NCALD: variants seen among roughly 807,000 people sequenced by gnomAD.
NCALD encodes the protein neurocalcin delta.
In NCALD, 10 loss-of-function variants were observed where a neutral mutation model predicts 18.6. The observed-to-expected ratio is 0.54, with a 90% CI of 0.33 to 0.91. NCALD has a LOEUF of 0.91. NCALD is among the 40% of genes least tolerant of loss of function. NCALD has a pLI of 0.03. For missense variants in NCALD, 184 were observed against 247.6 expected (o/e 0.74, Z 1.72); for synonymous variants, 88 against 87.4 (o/e 1.01, Z -0.04).
In NCALD at chr8:102,123,881, A is replaced by C. The variant is rs377021765; in HGVS notation, c.-210+356T>G. ...AGGTCCCCGGGCCGCCAGGCTCACC[A>C]ACGCCCCCTTCTGCCCAGCGCGCCC... On this transcript the variant is annotated intron_variant, in intron 1 of 6. Transcript: ENST00000311028. 742 of 152,290 alleles carry C rather than the reference A, an allele frequency of 4.9e-3. 11 individuals carry two copies. Among genetic ancestry groups the C allele is most frequent in the African/African-American group, 0.017 (703 of 41,356 alleles). 9.4% of individuals were successfully genotyped at this position (152,290 alleles called of 1,614,324 possible). A position where few individuals can be genotyped will look rare whatever the true frequency, so the allele number is the denominator to read the frequency against.
At chr8:101,951,562 C>T (rs965901953) in intron 2 of NCALD, among the ~76,000 whole-genome samples, 1 of 152,138 alleles carries the variant, frequency 6.6e-6, no homozygotes, top group Non-Finnish European at 1.5e-5. Flanking sequence ...TTGACGAGGC[C>T]CCGTGCCTGC....
chr8:101,971,870 TTTCCC>T (rs1250340246), intron 2 of NCALD, among the ~76,000 whole-genome samples: 6 of 152,292 alleles, frequency 3.9e-5, no homozygotes, highest in African/African-American at 4.8e-5. Context: ...TATCCTCCCC[TTTCCC>T]TTCATCTTAT....
intron 2 of NCALD, among the ~76,000 whole-genome samples, chr8:101,699,343 G>A (rs1586234402): frequency 1.3e-5 from 2 of 152,344 alleles, no homozygotes; most frequent in African/African-American, 4.8e-5. Flanking sequence ...CATTGTGGAA[G>A]ACAGTGTGGC....
chr8:101,692,398 G>A, intron 3 of NCALD: 3 of 985,374 alleles, frequency 3.0e-6, no homozygotes, highest in Non-Finnish European at 3.6e-6. Context: ...CGGCATCTGG[G>A]TAGGATCACA....
chr8:101,751,214 T>C (rs905490280), intron 1 of NCALD, among the ~76,000 whole-genome samples: 3 of 152,208 alleles, frequency 2.0e-5, no homozygotes, highest in East Asian at 1.9e-4. Context: ...GAAGATATTA[T>C]GCTACATGAA....
At chr8:101,793,430 C>T (rs1586520495), upstream of NCALD, among the ~76,000 whole-genome samples, 1 of 151,818 alleles carries the variant, frequency 6.6e-6, no homozygotes, top group Non-Finnish European at 1.5e-5. Flanking sequence ...CTACAACATG[C>T]TTCAACCAGA....
chr8:102,013,222 A>C (rs887824030), intron 2 of NCALD, among the ~76,000 whole-genome samples: 1 of 151,860 alleles, frequency 6.6e-6, no homozygotes, highest in African/African-American at 2.4e-5. Context: ...TGGTCTAGGT[A>C]CCTCCCCTTT....
At chr8:101,923,443 G>C (rs1818233959) in intron 2 of NCALD, among the ~76,000 whole-genome samples, 1 of 152,214 alleles carries the variant, frequency 6.6e-6, no homozygotes, top group African/African-American at 2.4e-5. Context: ...CCTTGGAGCA[G>C]TCACTCACTA....
chr8:101,844,139 A>G (rs1315951499), intron 4 of NCALD, among the ~76,000 whole-genome samples: 1 of 152,198 alleles, frequency 6.6e-6, no homozygotes, highest in African/African-American at 2.4e-5. Flanking sequence ...GCCCTGGGCC[A>G]AGAGAATTCA....
rs555711345 is a variant in NCALD at position 101,966,485 on chromosome 8, G to C, written c.-156-50627C>G. Among the ~76,000 whole-genome samples, 552 of 145,022 alleles carry C rather than the reference G, an allele frequency of 3.8e-3. 1 individual carries two copies. Among genetic ancestry groups the C allele is most frequent in the Non-Finnish European group, 6.4e-3 (425 of 66,356 alleles). On this transcript the variant is annotated intron_variant, in intron 2 of 6. Coordinates refer to the NCALD transcript ENST00000311028. ...CATCACACACTGGGGACTGTTGTGGGGTGGAGGGAGGGGGGAGGGATAGCA... is the reference window on the plus strand; with the variant it reads ...CATCACACACTGGGGACTGTTGTGGCGTGGAGGGAGGGGGGAGGGATAGCA...
intron 2 of NCALD, among the ~76,000 whole-genome samples, chr8:101,948,715 A>G (rs1819273718): frequency 6.6e-6 from 1 of 152,198 alleles, no homozygotes; most frequent in Non-Finnish European, 1.5e-5. Flanking sequence ...AGAATAGGAA[A>G]TGTGCATGGC....
At chr8:101,931,254 A>G (rs1016525694) in intron 2 of NCALD, among the ~76,000 whole-genome samples, 5 of 152,246 alleles carry the variant, frequency 3.3e-5, no homozygotes, top group Non-Finnish European at 7.3e-5. Flanking sequence ...TTACAAAAGA[A>G]CATGGTTAAT....
chr8:102,113,970 G>C (rs971248754), intron 1 of NCALD, among the ~76,000 whole-genome samples: 1 of 152,246 alleles, frequency 6.6e-6, no homozygotes, highest in East Asian at 1.9e-4. Flanking sequence ...TCAGAGAAGA[G>C]TAGCGAGTGT....
upstream of NCALD, among the ~76,000 whole-genome samples, chr8:101,793,349 CA>C (rs945645876): frequency 0.12 from 8,775 of 75,676 alleles, 264 homozygotes; most frequent in Middle Eastern, 0.22. Context: ...GACTCCGTCT[CA>C]AAAAAAAAAA....
At chr8:101,972,178 G>A (rs1217900029) in intron 2 of NCALD, among the ~76,000 whole-genome samples, 1 of 152,124 alleles carries the variant, frequency 6.6e-6, no homozygotes, top group African/African-American at 2.4e-5. Context: ...CACAAGTCAA[G>A]AACACGGAAA....
At chr8:101,705,948 T>C (rs1317371053) in intron 2 of NCALD, among the ~76,000 whole-genome samples, 1 of 152,208 alleles carries the variant, frequency 6.6e-6, no homozygotes, top group South Asian at 2.1e-4. Context: ...GGTTTCAATA[T>C]GCAGAATAGA....
At chr8:101,904,757 G>A (rs1343281437) in intron 3 of NCALD, among the ~76,000 whole-genome samples, 1 of 152,078 alleles carries the variant, frequency 6.6e-6, no homozygotes, top group East Asian at 1.9e-4. Context: ...ACCTCTCTCT[G>A]CTTCCTGCAA....
intron 1 of NCALD, among the ~76,000 whole-genome samples, chr8:101,737,847 C>T (rs140220972): frequency 8.5e-5 from 13 of 152,314 alleles, no homozygotes; most frequent in Admixed American, 5.2e-4. Context: ...GCTCAAGAAA[C>T]GATGGCTCCA....
At chr8:101,836,312 C>G (rs1291181746) in intron 4 of NCALD, among the ~76,000 whole-genome samples, 1 of 152,120 alleles carries the variant, frequency 6.6e-6, no homozygotes, top group Admixed American at 6.5e-5. Flanking sequence ...GTTAGGTTTT[C>G]AGAAAAAAGC....
Sources: allele counts gnomAD v4.1 joint callset (sites outside exome capture counted in the v4.1 genomes callset), GRCh38; gene constraint gnomAD v4.1.1; transcripts MANE v1.5; gene names NCBI Gene and HGNC (gene_info 2026-07-23, HGNC 2026-07-21).